The following MPHOSPH6 variants were observed in gnomAD, a reference collection of about 807,000 sequenced individuals.
The protein encoded by MPHOSPH6 is M-phase phosphoprotein 6.
MPHOSPH6 carries 25 observed loss-of-function variants against 21.8 expected under a neutral mutation model. That is an observed-to-expected ratio of 1.15 (90% CI 0.83 to 1.60). MPHOSPH6 has a LOEUF of 1.60. Among genes scored for constraint, MPHOSPH6 ranks in the 40% most tolerant of loss-of-function variants. MPHOSPH6 has a pLI of 0.00. For missense variants in MPHOSPH6, 269 were observed against 181.8 expected (o/e 1.48, Z -2.76); for synonymous variants, 84 against 56.5 (o/e 1.49, Z -2.18).
chr16:82,148,573 C>T lies in MPHOSPH6; in HGVS notation c.*158G>A, dbSNP rs1050911745. 11 of 916,446 alleles carry T rather than the reference C, an allele frequency of 1.2e-5. No homozygotes were observed. Among genetic ancestry groups the T allele is most frequent in the African/African-American group, 3.3e-5 (2 of 60,750 alleles). 56.8% of individuals were successfully genotyped at this position (916,446 alleles called of 1,614,324 possible). On this transcript the variant is annotated 3_prime_UTR_variant, in exon 5 of 5. Transcript: ENST00000258169. ...GAAGCAAAGGATGTACAACATCCAT[C>T]ACACATCTGTTTCAAAAACAGCATG...
intron 2 of MPHOSPH6, among the ~76,000 whole-genome samples, chr16:82,159,550 A>G (rs6564989): frequency 0.84 from 127,931 of 151,958 alleles, 54,238 homozygotes; most frequent in African/African-American, 0.95. Context: ...GACTACAGGC[A>G]CACGCCATCA....
chr16:82,149,549 T>A (rs1459775953), intron 3 of MPHOSPH6, 146 bp from the exon 4 acceptor site: 6 of 701,240 alleles, frequency 8.6e-6, no homozygotes, highest in Non-Finnish European at 1.5e-5. Context: ...TAATACTTGA[T>A]ACCACAATGG....
At chr16:82,161,467 C>G (rs1906606036) in intron 2 of MPHOSPH6, among the ~76,000 whole-genome samples, 1 of 151,822 alleles carries the variant, frequency 6.6e-6, no homozygotes, top group Admixed American at 6.5e-5. Flanking sequence ...ATTAAACTGC[C>G]TATACTTGCA....
At chr16:82,150,310 T>C (rs1453527705) in intron 3 of MPHOSPH6, among the ~76,000 whole-genome samples, 2 of 152,048 alleles carry the variant, frequency 1.3e-5, no homozygotes, top group Admixed American at 6.6e-5. Flanking sequence ...CACATCTTCA[T>C]AATCCCTGCC....
chr16:82,150,797 C>G (rs999909647), intron 3 of MPHOSPH6, among the ~76,000 whole-genome samples: 3 of 152,162 alleles, frequency 2.0e-5, no homozygotes, highest in African/African-American at 7.2e-5. Flanking sequence ...GTAATATTTA[C>G]CAAACTAAAG....
intron 2 of MPHOSPH6, 169 bp downstream of exon 2, chr16:82,163,913 C>G (rs1325205861): frequency 1.9e-6 from 1 of 538,442 alleles, no homozygotes; most frequent in African/African-American, 1.9e-5. Flanking sequence ...ATGTATAAAT[C>G]CATGTACAAC....
chr16:82,170,076 G>A (rs953852663), intron 1 of MPHOSPH6, 49 bp downstream of exon 1: 2 of 1,556,606 alleles, frequency 1.3e-6, no homozygotes, highest in Admixed American at 1.9e-5. Context: ...CAGGTTGGAA[G>A]GACCGGGTGC....
At chr16:82,169,565 C>G (rs1348143743) in intron 1 of MPHOSPH6, among the ~76,000 whole-genome samples, 1 of 152,118 alleles carries the variant, frequency 6.6e-6, no homozygotes, top group Non-Finnish European at 1.5e-5. Flanking sequence ...TTAAAAATAC[C>G]CCCTCTCTCC....
At chr16:82,160,933 C>T (rs1282686770) in intron 2 of MPHOSPH6, among the ~76,000 whole-genome samples, 1 of 149,644 alleles carries the variant, frequency 6.7e-6, no homozygotes, top group Non-Finnish European at 1.5e-5. Context: ...ATAAGAGGTG[C>T]CCTCCCTACA....
In MPHOSPH6 at chr16:82,160,874, G is replaced by C. The variant is rs1906585662; in HGVS notation, c.164+3208C>G. ...GGAGGAATCTGAAAAATGACGTGCAGGTAGGATTTTCTGACTGTCCCCTGA... is the reference window on the plus strand; with the variant it reads ...GGAGGAATCTGAAAAATGACGTGCACGTAGGATTTTCTGACTGTCCCCTGA... On this transcript the variant is annotated intron_variant, in intron 2 of 4. Coordinates refer to ENST00000258169, the MANE Select transcript of MPHOSPH6 (RefSeq NM_005792.2). Among the ~76,000 whole-genome samples, 5 of 152,144 alleles carry C rather than the reference G, an allele frequency of 3.3e-5. No individual in the cohort carries two copies. The South Asian group carries it at 1.0e-3, about 31-fold the overall frequency.
At chr16:82,158,116 G>A (rs8056380) in intron 2 of MPHOSPH6, among the ~76,000 whole-genome samples, 10,347 of 152,080 alleles carry the variant, frequency 0.068, 651 homozygotes, top group African/African-American at 0.16. Context: ...TGATGACACA[G>A]CACAAATTTA....
chr16:82,161,781 A>T (rs1429410728), intron 2 of MPHOSPH6, among the ~76,000 whole-genome samples: 1 of 152,194 alleles, frequency 6.6e-6, no homozygotes, highest in Non-Finnish European at 1.5e-5. Flanking sequence ...TTCCAAGTTG[A>T]GGCACAGCAG....
rs1317554510 is a variant in MPHOSPH6, at chr16:82,169,053, G to A, written c.51+1072C>T. 4.6e-5 allele frequency among the ~76,000 whole-genome samples: 7 copies of A among 152,194 alleles called. No homozygotes were observed. In the East Asian group the frequency reaches 1.3e-3, roughly 29 times the overall value. ...TTACTGCCTGTAGTCACCTCAAAGTGTCATTATGTGAATTGCATAGGTTAA... is the reference window on the plus strand; with the variant it reads ...TTACTGCCTGTAGTCACCTCAAAGTATCATTATGTGAATTGCATAGGTTAA... On this transcript the variant is annotated intron_variant, in intron 1 of 4. Transcript: ENST00000258169.
chr16:82,159,464 G>C (rs1419520833), intron 2 of MPHOSPH6, among the ~76,000 whole-genome samples: 1 of 151,956 alleles, frequency 6.6e-6, no homozygotes, highest in Non-Finnish European at 1.5e-5. Flanking sequence ...GAGTGCAGTA[G>C]CGCAATCTCG....
At chr16:82,158,777 G>A (rs1279034586) in intron 2 of MPHOSPH6, among the ~76,000 whole-genome samples, 1 of 152,094 alleles carries the variant, frequency 6.6e-6, no homozygotes, top group African/African-American at 2.4e-5. Flanking sequence ...CTGTCATCTT[G>A]GGCTTGATAG....
At position 82,148,830 on chromosome 16, in the gene MPHOSPH6, C is replaced by G. The variant is rs1906169578; in HGVS notation, c.384G>C (p.Lys128Asn). 6.2e-7 allele frequency: 1 copy of G among 1,614,134 alleles called. No homozygotes were observed. The highest frequency in any genetic ancestry group is 8.5e-7 in the Non-Finnish European group (1 of 1,180,010). ...YETLVGTIGK[K>N]FARKRDHANY... The stretch of plus-strand genomic sequence containing the variant: ...TGGCATGGTCTCTCTTTCTGGCAAA[C>G]TTTTTCCCAATTGTCCCCACCAAGG... The change falls in exon 5 of 5, where the codon AAG (lysine) becomes AAC (asparagine). Residue 128 changes from lysine (K) to asparagine (N), a missense_variant. By Grantham distance (94) the Lys-to-Asn change is moderately conservative. Coordinates refer to ENST00000258169, the MANE Select transcript of MPHOSPH6 (RefSeq NM_005792.2).
intron 1 of MPHOSPH6, among the ~76,000 whole-genome samples, chr16:82,168,978 T>C (rs565563967): frequency 1.9e-4 from 29 of 152,312 alleles, no homozygotes; most frequent in South Asian, 1.2e-3. Flanking sequence ...TGTGTAACTT[T>C]GGGTAAATTA....
At chr16:82,169,613 T>C (rs1040330100) in intron 1 of MPHOSPH6, among the ~76,000 whole-genome samples, 1 of 152,184 alleles carries the variant, frequency 6.6e-6, no homozygotes, top group Non-Finnish European at 1.5e-5. Flanking sequence ...GTTGATTCTG[T>C]TTCTCTGAAG....
At chr16:82,161,381 C>G (rs1223416449) in intron 2 of MPHOSPH6, among the ~76,000 whole-genome samples, 3 of 152,178 alleles carry the variant, frequency 2.0e-5, no homozygotes, top group Non-Finnish European at 4.4e-5. Flanking sequence ...TGACTCCAAA[C>G]AGACCACAAA....
Sources: allele counts gnomAD v4.1 joint callset (sites outside exome capture counted in the v4.1 genomes callset), GRCh38; gene constraint gnomAD v4.1.1; transcripts MANE v1.5; gene names NCBI Gene and HGNC (gene_info 2026-07-23, HGNC 2026-07-21).